Variants in RABGEF1 observed in about 807,000 individuals in gnomAD.
RABGEF1 encodes the protein RAB guanine nucleotide exchange factor 1.
Under a neutral mutation model 57.3 loss-of-function variants are expected in RABGEF1, and 26 were observed. The ratio of observed to expected loss-of-function variants is 0.45; its 90% confidence interval spans 0.33 to 0.63. The LOEUF is 0.63. Ranked by LOEUF, RABGEF1 falls within the 20% of genes least tolerant of loss-of-function variation. The pLI, the probability that RABGEF1 is intolerant of heterozygous loss-of-function variation, is 0.02. For missense variants in RABGEF1, 464 were observed against 607.6 expected, an observed-to-expected ratio of 0.76 and a Z score of 2.48; for synonymous variants, 185 against 210.7, an observed-to-expected ratio of 0.88 and a Z score of 1.06.
intron 1 of RABGEF1, among the ~76,000 whole-genome samples, chr7:66,701,927 G>A (rs949035029): frequency 8.6e-5 from 13 of 151,916 alleles, no homozygotes; most frequent in Admixed American, 7.9e-4. Flanking sequence ...GACATAAAAC[G>A]GATCATCTTA....
chr7:66,733,981 G>A (rs1279610789), intron 2 of RABGEF1, among the ~76,000 whole-genome samples: 4 of 152,102 alleles, frequency 2.6e-5, no homozygotes, highest in Admixed American at 2.6e-4. Flanking sequence ...CTCCAGCCTG[G>A]GCGACACAGC....
At chr7:66,776,828 G>A (rs555319325) in intron 3 of RABGEF1, among the ~76,000 whole-genome samples, 1 of 152,348 alleles carries the variant, frequency 6.6e-6, no homozygotes, top group Admixed American at 6.5e-5. Flanking sequence ...GATTAAATAA[G>A]AATGTATTGG....
upstream of RABGEF1, among the ~76,000 whole-genome samples, chr7:66,739,253 CTT>C (rs1311109853): frequency 6.6e-6 from 1 of 151,832 alleles, no homozygotes; most frequent in African/African-American, 2.4e-5. Flanking sequence ...CCTGGCCTTA[CTT>C]TTGTTTTATA....
At chr7:66,759,366 C>G (rs1457725384) in intron 1 of RABGEF1, among the ~76,000 whole-genome samples, 10 of 152,286 alleles carry the variant, frequency 6.6e-5, no homozygotes, top group African/African-American at 2.4e-4. Context: ...CAGAGTTGCC[C>G]AGGATGTGCT....
intron 4 of RABGEF1, among the ~76,000 whole-genome samples, chr7:66,785,477 TAAAC>T (rs1327673081): frequency 6.6e-6 from 1 of 152,202 alleles, no homozygotes; most frequent in Non-Finnish European, 1.5e-5. Context: ...AATAAATAAA[TAAAC>T]ACTCTTTACA....
chr7:66,805,079 C>G lies in RABGEF1; in HGVS notation c.821-61C>G, dbSNP rs189348611. The G allele has an allele frequency of 1.0e-4, 152 of 1,504,496 alleles. No homozygotes were observed. In the African/African-American group the frequency reaches 1.7e-3, roughly 17 times the overall value. The allele number at this position is 1,504,496 out of a possible 1,614,324, so 93.2% of individuals were successfully genotyped here. A position where few individuals can be genotyped will look rare whatever the true frequency, so the allele number is the denominator to read the frequency against. On this transcript the variant is annotated intron_variant, in intron 7 of 8. Coordinates refer to ENST00000284957, the MANE Select transcript of RABGEF1 (RefSeq NM_014504.3). ...AACTTTAGAGATAAAACATGATTTT[C>G]CTATTGCTTCTTTTTTGTGATTCTT...
At chr7:66,726,124 G>C (rs942008294) in intron 2 of RABGEF1, among the ~76,000 whole-genome samples, 3 of 152,226 alleles carry the variant, frequency 2.0e-5, no homozygotes. Context: ...AGGGATGCCA[G>C]GCACAGAGCC....
At chr7:66,716,963 G>C (rs991578292) in intron 2 of RABGEF1, among the ~76,000 whole-genome samples, 1 of 152,178 alleles carries the variant, frequency 6.6e-6, no homozygotes, top group African/African-American at 2.4e-5. Context: ...ATTTTTAGTA[G>C]AGACGGGGTT....
intron 2 of RABGEF1, among the ~76,000 whole-genome samples, chr7:66,723,737 C>G (rs1190607093): frequency 6.7e-6 from 1 of 148,502 alleles, no homozygotes; most frequent in South Asian, 2.3e-4. Flanking sequence ...TGTGACACCA[C>G]GCCTGGCCAC....
intron 1 of RABGEF1, among the ~76,000 whole-genome samples, chr7:66,760,588 T>C (rs1409594250): frequency 6.6e-6 from 1 of 151,896 alleles, no homozygotes; most frequent in Non-Finnish European, 1.5e-5. Context: ...GGACTACAGG[T>C]GCATGCCATC....
At chr7:66,712,274 T>C (rs1388334218) in intron 2 of RABGEF1, 5 of 152,194 alleles carry the variant, frequency 3.3e-5, no homozygotes, top group African/African-American at 1.2e-4. Context: ...TTAAAAGCAT[T>C]TTGACATTTC....
intron 2 of RABGEF1, among the ~76,000 whole-genome samples, chr7:66,722,146 G>A (rs1484221831): frequency 2.0e-5 from 3 of 151,668 alleles, no homozygotes; most frequent in African/African-American, 7.3e-5. Flanking sequence ...AACAGAATAG[G>A]ACCCTGTCTC....
At chr7:66,706,503 G>A (rs539595819) in intron 1 of RABGEF1, among the ~76,000 whole-genome samples, 4 of 151,876 alleles carry the variant, frequency 2.6e-5, no homozygotes, top group East Asian at 3.9e-4. Context: ...TTTGCCTCCC[G>A]GGTTCAAGCG....
intron 1 of RABGEF1, among the ~76,000 whole-genome samples, chr7:66,746,905 G>T (rs975296219): frequency 2.0e-5 from 3 of 151,970 alleles, no homozygotes; most frequent in Admixed American, 2.0e-4. Flanking sequence ...TGATTCTCCT[G>T]CCTCAGCTTC....
intron 6 of RABGEF1, among the ~76,000 whole-genome samples, chr7:66,798,744 A>G (rs1409452897): frequency 6.6e-6 from 1 of 152,142 alleles, no homozygotes; most frequent in Non-Finnish European, 1.5e-5. Flanking sequence ...CAGGCAGATC[A>G]CCTGAGGTCA....
intron 1 of RABGEF1, among the ~76,000 whole-genome samples, chr7:66,766,766 G>A (rs961336572): frequency 2.0e-5 from 3 of 151,126 alleles, no homozygotes; most frequent in Admixed American, 6.6e-5. Context: ...ACTCTGTTGC[G>A]CAGGCTGGAG....
intron 1 of RABGEF1, among the ~76,000 whole-genome samples, chr7:66,747,282 C>G (rs1248385503): frequency 6.6e-6 from 1 of 152,112 alleles, no homozygotes; most frequent in East Asian, 1.9e-4. Flanking sequence ...AATTTTCCCC[C>G]AGTAACAGTG....
At chr7:66,716,762 T>C (rs575383529) in intron 2 of RABGEF1, among the ~76,000 whole-genome samples, 12 of 152,278 alleles carry the variant, frequency 7.9e-5, no homozygotes, top group African/African-American at 2.9e-4. Flanking sequence ...CATTTTGTTA[T>C]TTTCTGTTTG....
chr7:66,735,356 A>G (rs1797823670), intron 2 of RABGEF1, among the ~76,000 whole-genome samples: 1 of 152,186 alleles, frequency 6.6e-6, no homozygotes, highest in Admixed American at 6.6e-5. Context: ...TTTATGGAAG[A>G]CTTTATAGCA....
Sources: gnomAD v4.1 joint callset for allele counts (sites outside exome capture counted in the v4.1 genomes callset) on GRCh38, gnomAD v4.1.1 for gene constraint, MANE v1.5 for transcripts, NCBI Gene and HGNC (gene_info 2026-07-23, HGNC 2026-07-21) for gene names.